Variants in CNBD1 observed in about 807,000 individuals in gnomAD.
CNBD1 encodes the protein cyclic nucleotide-binding domain-containing protein 1.
Under a neutral mutation model 54.4 loss-of-function variants are expected in CNBD1, and 71 were observed. That is an observed-to-expected ratio of 1.30 (90% CI 1.08 to 1.59). The LOEUF is 1.59. Among genes scored for constraint, CNBD1 ranks in the 40% most tolerant of loss-of-function variants. The pLI is 0.00. For synonymous variants in CNBD1, 182 were observed against 170.7 expected (o/e 1.07, Z -0.51); for missense variants, 659 against 518.0 (o/e 1.27, Z -2.64).
At chr8:87,376,146 C>T (rs1016921714) in intron 10 of CNBD1, among the ~76,000 whole-genome samples, 3 of 151,872 alleles carry the variant, frequency 2.0e-5, no homozygotes, top group African/African-American at 4.8e-5. Flanking sequence ...TAGATGAGCT[C>T]TCAGTTCATA....
chr8:86,894,297 A>C (rs1049480681), intron 2 of CNBD1, among the ~76,000 whole-genome samples: 1 of 150,294 alleles, frequency 6.7e-6, no homozygotes, highest in Middle Eastern at 3.2e-3. Flanking sequence ...TCCTGACCTC[A>C]TGATCCACCC....
intron 4 of CNBD1, among the ~76,000 whole-genome samples, chr8:87,160,184 CTT>C (rs1466824189): frequency 2.6e-5 from 4 of 151,844 alleles, no homozygotes; most frequent in African/African-American, 4.8e-5. Context: ...TGTGAAAAAA[CTT>C]ATTTCTTAAT....
intron 4 of CNBD1, among the ~76,000 whole-genome samples, chr8:87,188,675 G>A (rs546054888): frequency 1.5e-4 from 22 of 150,936 alleles, no homozygotes; most frequent in Admixed American, 7.2e-4. Flanking sequence ...GCAGTGAGCC[G>A]AGATTATGCC....
chr8:87,203,138 C>T (rs1039635976), intron 4 of CNBD1, among the ~76,000 whole-genome samples: 34 of 152,164 alleles, frequency 2.2e-4, no homozygotes, highest in East Asian at 3.9e-4. Flanking sequence ...AATGGGAATA[C>T]GCTTGGTAAA....
chr8:87,348,860 TAAAC>T (rs962409834), intron 8 of CNBD1, among the ~76,000 whole-genome samples: 3 of 152,188 alleles, frequency 2.0e-5, no homozygotes, highest in Non-Finnish European at 2.9e-5. Flanking sequence ...GGGCGTATGA[TAAAC>T]AACAGAAAGA....
intron 4 of CNBD1, among the ~76,000 whole-genome samples, chr8:87,022,881 A>G (rs562232200): frequency 6.6e-6 from 1 of 152,324 alleles, no homozygotes; most frequent in Non-Finnish European, 1.5e-5. Flanking sequence ...TGAAGTCACA[A>G]AATTTGCATT....
chr8:86,910,242 A>G (rs1809079944), intron 3 of CNBD1, among the ~76,000 whole-genome samples: 1 of 152,152 alleles, frequency 6.6e-6, no homozygotes, highest in African/African-American at 2.4e-5. Flanking sequence ...GAGAAAAGGG[A>G]TACAAGATCT....
intron 4 of CNBD1, among the ~76,000 whole-genome samples, chr8:87,199,143 C>T (rs1454602499): frequency 1.8e-4 from 27 of 152,116 alleles, no homozygotes; most frequent in African/African-American, 5.6e-4. Context: ...AAACACCTCG[C>T]GGGGATGACA....
chr8:87,368,006 A>G (rs1810677852), intron 10 of CNBD1, among the ~76,000 whole-genome samples: 1 of 151,996 alleles, frequency 6.6e-6, no homozygotes, highest in Non-Finnish European at 1.5e-5. Context: ...TCCTAAAAAG[A>G]CAAAAATTAG....
At chr8:87,140,996 G>A (rs1236911549) in intron 4 of CNBD1, among the ~76,000 whole-genome samples, 1 of 152,004 alleles carries the variant, frequency 6.6e-6, no homozygotes, top group Non-Finnish European at 1.5e-5. Flanking sequence ...GACCATAAAA[G>A]GAACATGTTT....
chr8:87,408,893 A>G (rs1315390640), intron 2 of CNBD1, among the ~76,000 whole-genome samples: 2 of 152,150 alleles, frequency 1.3e-5, no homozygotes, highest in South Asian at 2.1e-4. Flanking sequence ...CAATAAATGT[A>G]TGTGTTTTGA....
intron 5 of CNBD1, among the ~76,000 whole-genome samples, chr8:87,213,508 A>G (rs1364057646): frequency 2.0e-5 from 3 of 152,186 alleles, no homozygotes; most frequent in Admixed American, 6.5e-5. Context: ...GACCCAAGTG[A>G]AAGGAGAAAC....
At chr8:87,334,969 C>A (rs1237887971) in intron 8 of CNBD1, among the ~76,000 whole-genome samples, 1 of 151,982 alleles carries the variant, frequency 6.6e-6, no homozygotes, top group East Asian at 1.9e-4. Flanking sequence ...CATGATCCAC[C>A]CACCTCGGCC....
intron 6 of CNBD1, among the ~76,000 whole-genome samples, chr8:87,262,983 G>A (rs1313554909): frequency 6.6e-6 from 1 of 152,110 alleles, no homozygotes; most frequent in Non-Finnish European, 1.5e-5. Context: ...ACTAAAGTAA[G>A]CAAAGTTCAT....
Position 86,939,630 on chromosome 8 carries a change from C to A in CNBD1, c.307C>A (p.Gln103Lys). 6.3e-7 allele frequency: 1 copy of A among 1,598,506 alleles called. No individual in the cohort carries two copies. Among genetic ancestry groups the A allele is most frequent in the South Asian group, 1.1e-5 (1 of 87,268 alleles). Residue 103 changes from glutamine (Q) to lysine (K), a missense_variant, in exon 4 of 11, where the codon CAA (glutamine) becomes AAA (lysine). Physicochemically the swap from Gln to Lys is moderately conservative, Grantham distance 53. Transcript: ENST00000518476. Reference sequence around the variant, plus strand: ...TGAAGGCAAAGAGGAAAGTCAACATCAACAACCTGATGATTCTAACAATAT... The same window carrying A: ...TGAAGGCAAAGAGGAAAGTCAACATAAACAACCTGATGATTCTAACAATAT... Reference protein sequence around the residue: ...LNEGKEESQHQQPDDSNNIAV... With the variant: ...LNEGKEESQHKQPDDSNNIAV...
chr8:86,933,024 G>T (rs896787334), intron 3 of CNBD1, among the ~76,000 whole-genome samples: 2 of 152,066 alleles, frequency 1.3e-5, no homozygotes, highest in Non-Finnish European at 2.9e-5. Context: ...TTTCCTCTTA[G>T]ACCACAAAGA....
At chr8:87,112,307 T>G (rs529566753) in intron 4 of CNBD1, among the ~76,000 whole-genome samples, 14 of 152,310 alleles carry the variant, frequency 9.2e-5, no homozygotes, top group African/African-American at 2.6e-4. Context: ...TTTGCCAACC[T>G]TTCATCTATC....
At chr8:87,363,480 C>T (rs987802562) in intron 10 of CNBD1, among the ~76,000 whole-genome samples, 2 of 152,120 alleles carry the variant, frequency 1.3e-5, no homozygotes, top group Admixed American at 1.3e-4. Flanking sequence ...TAAAAGTGTT[C>T]CTATTTCTCC....
At chr8:87,329,893 T>C (rs767316318) in intron 8 of CNBD1, among the ~76,000 whole-genome samples, 10 of 152,034 alleles carry the variant, frequency 6.6e-5, no homozygotes, top group Non-Finnish European at 1.5e-4. Flanking sequence ...TCTCCTCTCT[T>C]GTTTTACTGC....
Sources: allele counts gnomAD v4.1 joint callset (sites outside exome capture counted in the v4.1 genomes callset), GRCh38; gene constraint gnomAD v4.1.1; transcripts MANE v1.5; gene names NCBI Gene and HGNC (gene_info 2026-07-23, HGNC 2026-07-21).